The following AGBL1 variants were observed in gnomAD, a reference collection of about 807,000 sequenced individuals.
AGBL1 encodes the protein AGBL carboxypeptidase 1.
A neutral mutation model predicts 118.9 loss-of-function variants in AGBL1; 130 were observed. That is an observed-to-expected ratio of 1.09 (90% CI 0.95 to 1.26). The LOEUF is 1.26. AGBL1 is among the 50% of genes most tolerant of loss of function. The pLI is 0.00. For synonymous variants in AGBL1, 555 were observed against 478.9 expected, an observed-to-expected ratio of 1.16 and a Z score of -2.08; for missense variants, 1,584 against 1,298.1, an observed-to-expected ratio of 1.22 and a Z score of -3.38.
intron 17 of AGBL1, among the ~76,000 whole-genome samples, chr15:86,377,478 G>A (rs2081055882): frequency 6.6e-6 from 1 of 152,108 alleles, no homozygotes; most frequent in South Asian, 2.1e-4. Flanking sequence ...TAAAATAACA[G>A]TATCAGACTC....
chr15:86,931,639 T>C (rs1387038947), intron 23 of AGBL1, among the ~76,000 whole-genome samples: 1 of 152,164 alleles, frequency 6.6e-6, no homozygotes, highest in Non-Finnish European at 1.5e-5. Flanking sequence ...ATCAATTCCA[T>C]GCTAACAAAT....
At chr15:86,130,968 A>G (rs1025460690) in intron 1 of AGBL1, among the ~76,000 whole-genome samples, 3 of 152,142 alleles carry the variant, frequency 2.0e-5, no homozygotes, top group African/African-American at 7.2e-5. Flanking sequence ...GCTCCCTTCC[A>G]TTATTTGGTT....
At chr15:86,348,550 C>T (rs915298390) in intron 17 of AGBL1, among the ~76,000 whole-genome samples, 4 of 152,184 alleles carry the variant, frequency 2.6e-5, no homozygotes, top group Non-Finnish European at 5.9e-5. Flanking sequence ...GAGGCTGAGG[C>T]GGGCGGATCA....
intron 22 of AGBL1, among the ~76,000 whole-genome samples, chr15:86,751,369 A>G (rs1243474148): frequency 6.6e-6 from 1 of 152,130 alleles, no homozygotes; most frequent in Non-Finnish European, 1.5e-5. Flanking sequence ...AGCATATACA[A>G]AATTAACTCA....
At chr15:86,554,584 C>T in intron 21 of AGBL1, 47 bp downstream of exon 21, 1 of 1,401,850 alleles carries the variant, frequency 7.1e-7, no homozygotes. Flanking sequence ...AGCAACAATA[C>T]ATAGAAATTA....
At chr15:86,428,560 CTT>C (rs2081895177) in intron 18 of AGBL1, among the ~76,000 whole-genome samples, 1 of 152,038 alleles carries the variant, frequency 6.6e-6, no homozygotes. Flanking sequence ...TTTCATATGT[CTT>C]TGTTATTTTA....
At chr15:86,738,111 C>A (rs886858829) in intron 22 of AGBL1, among the ~76,000 whole-genome samples, 3 of 152,068 alleles carry the variant, frequency 2.0e-5, no homozygotes, top group African/African-American at 7.2e-5. Flanking sequence ...AATATGGGAT[C>A]TTTATATGTT....
intron 17 of AGBL1, among the ~76,000 whole-genome samples, chr15:86,390,091 C>A (rs575038242): frequency 1.3e-5 from 2 of 152,076 alleles, no homozygotes; most frequent in African/African-American, 4.8e-5. Context: ...TAAATACTAA[C>A]CAAAAGAAAG....
chr15:86,310,477 T>G (rs1047911150), intron 17 of AGBL1, among the ~76,000 whole-genome samples: 6 of 152,068 alleles, frequency 3.9e-5, no homozygotes, highest in Admixed American at 1.3e-4. Context: ...GGTCAGCAGG[T>G]GAGTGGGTCT....
intron 22 of AGBL1, among the ~76,000 whole-genome samples, chr15:86,866,846 A>G (rs2079638230): frequency 6.6e-6 from 1 of 152,222 alleles, no homozygotes; most frequent in Admixed American, 6.5e-5. Flanking sequence ...AAATAGAACT[A>G]TGCTTAGTCC....
chr15:86,823,480 G>A (rs1047686017), intron 22 of AGBL1, among the ~76,000 whole-genome samples: 12 of 152,066 alleles, frequency 7.9e-5, no homozygotes, highest in African/African-American at 1.2e-4. Flanking sequence ...AGTCTTTCTC[G>A]TATCCTTCAT....
At chr15:86,732,349 A>G (rs1262418243) in intron 22 of AGBL1, among the ~76,000 whole-genome samples, 5 of 152,218 alleles carry the variant, frequency 3.3e-5, no homozygotes, top group African/African-American at 4.8e-5. Flanking sequence ...ACTCCACCAC[A>G]GCTGGAAATT....
chr15:86,924,327 G>T (rs761861831), intron 23 of AGBL1, among the ~76,000 whole-genome samples: 1 of 152,242 alleles, frequency 6.6e-6, no homozygotes, highest in Non-Finnish European at 1.5e-5. Context: ...ATCCCATTTA[G>T]GGTAGAAAGG....
At chr15:86,425,529 A>G (rs2081856070) in intron 18 of AGBL1, among the ~76,000 whole-genome samples, 1 of 152,194 alleles carries the variant, frequency 6.6e-6, no homozygotes, top group African/African-American at 2.4e-5. Context: ...CCCAGAAGTT[A>G]AAGTATAATT....
intron 24 of AGBL1, among the ~76,000 whole-genome samples, chr15:87,008,961 A>G (rs1471302430): frequency 3.9e-5 from 6 of 152,220 alleles, no homozygotes; most frequent in Non-Finnish European, 8.8e-5. Context: ...AGGGAAACAG[A>G]GCATAAAAGT....
rs114126405 is a variant in AGBL1 at position 86,218,860 on chromosome 15, A to T, written c.489-6054A>T. 9.1e-3 allele frequency among the ~76,000 whole-genome samples: 1,383 copies of T among 152,314 alleles called. 18 individuals are homozygous for T. The highest frequency in any genetic ancestry group is 0.032 in the African/African-American group (1,341 of 41,572). ...GTTGGGAAACATCCTTCCCCAGTTG[A>T]GCCTCAAGATGAAGACTCAGCCCTG... On this transcript the variant is annotated intron_variant, in intron 5 of 22. Transcript: ENST00000614907.
intron 22 of AGBL1, among the ~76,000 whole-genome samples, chr15:86,811,511 G>A (rs1330037801): frequency 6.6e-6 from 1 of 152,138 alleles, no homozygotes; most frequent in African/African-American, 2.4e-5. Context: ...TATTCCCAAT[G>A]TTCCAACAGG....
In AGBL1 at chr15:86,154,656, G is replaced by A. The variant is rs2077164280; in HGVS notation, c.394+95G>A. On this transcript the variant is annotated intron_variant, in intron 4 of 22. Coordinates refer to ENST00000614907, the MANE Select transcript of AGBL1 (RefSeq NM_001386094.1). Reference sequence around the variant, plus strand: ...AGGGTCTGGTTGGAAGAAAAGCATGGGTGAGAGATACACATGGTGGTCCCA... The same window carrying A: ...AGGGTCTGGTTGGAAGAAAAGCATGAGTGAGAGATACACATGGTGGTCCCA... 6 of 1,390,176 alleles carry A rather than the reference G, an allele frequency of 4.3e-6. No homozygotes were observed. The Admixed American group carries it at 7.4e-5, about 17-fold the overall frequency. The allele number at this position is 1,390,176 out of a possible 1,614,324, so 86.1% of individuals were successfully genotyped here.
chr15:86,572,188 A>C (rs993043428), intron 21 of AGBL1, among the ~76,000 whole-genome samples: 6 of 152,074 alleles, frequency 3.9e-5, no homozygotes, highest in Non-Finnish European at 7.4e-5. Flanking sequence ...CGCAGGGGGA[A>C]GTGCCGGCTC....
Sources: gnomAD v4.1 joint callset for allele counts (sites outside exome capture counted in the v4.1 genomes callset) on GRCh38, gnomAD v4.1.1 for gene constraint, MANE v1.5 for transcripts, NCBI Gene and HGNC (gene_info 2026-07-23, HGNC 2026-07-21) for gene names.